The following CLVS1 variants were observed in gnomAD, a reference collection of about 807,000 sequenced individuals.
CLVS1 encodes clavesin 1.
Under a neutral mutation model 33.1 loss-of-function variants are expected in CLVS1, and 10 were observed. That is an observed-to-expected ratio of 0.30 (90% confidence interval 0.19 to 0.51). The LOEUF is 0.51. Ranked by LOEUF, CLVS1 falls within the 20% of genes least tolerant of loss-of-function variation. CLVS1 has a pLI of 0.97. For missense variants in CLVS1, 343 were observed against 433.4 expected (o/e 0.79, Z 1.85); for synonymous variants, 163 against 166.1 (o/e 0.98, Z 0.14).
chr8:61,018,729 T>C, the CLVS1 span, among the ~76,000 whole-genome samples: 219 of 152,376 alleles, frequency 1.4e-3, no homozygotes, highest in African/African-American at 5.1e-3. Context: ...AGGCGGCATC[T>C]CAGCAAGTGG....
the CLVS1 span, among the ~76,000 whole-genome samples, chr8:60,984,548 G>T: frequency 6.6e-6 from 1 of 151,948 alleles, no homozygotes; most frequent in Non-Finnish European, 1.5e-5. Flanking sequence ...GGCTGGTCTC[G>T]AACTCCTGAC....
chr8:61,341,634 G>T (rs914424945), intron 2 of CLVS1, among the ~76,000 whole-genome samples: 1 of 152,154 alleles, frequency 6.6e-6, no homozygotes, highest in Non-Finnish European at 1.5e-5. Context: ...AAGCTGATTT[G>T]TTTTGAGCAG....
intron 2 of CLVS1, among the ~76,000 whole-genome samples, chr8:61,226,591 T>C (rs550019699): frequency 2.6e-5 from 4 of 152,320 alleles, no homozygotes. Flanking sequence ...TATCTTGATG[T>C]TTTCTTGGAG....
At chr8:61,297,310 C>A (rs10957188) in intron 1 of CLVS1, among the ~76,000 whole-genome samples, 1 of 151,886 alleles carries the variant, frequency 6.6e-6, no homozygotes, top group Non-Finnish European at 1.5e-5. Flanking sequence ...TGGCAGCAAG[C>A]GTATCAATAG....
At chr8:61,204,046 G>A (rs1807792175) in intron 2 of CLVS1, among the ~76,000 whole-genome samples, 1 of 152,208 alleles carries the variant, frequency 6.6e-6, no homozygotes, top group Non-Finnish European at 1.5e-5. Context: ...ATGAGGTCAA[G>A]AAGAGTCAAT....
chr8:61,030,505 CTG>C, the CLVS1 span, among the ~76,000 whole-genome samples: 12 of 143,224 alleles, frequency 8.4e-5, no homozygotes, highest in African/African-American at 2.2e-4. Flanking sequence ...TCTACACACT[CTG>C]TGTTCAGACC....
intron 2 of CLVS1, among the ~76,000 whole-genome samples, chr8:61,302,630 C>T (rs1810477982): frequency 6.6e-6 from 1 of 152,134 alleles, no homozygotes; most frequent in African/African-American, 2.4e-5. Context: ...GCTGTCCTCC[C>T]AAAAATGGCA....
In CLVS1 at chr8:61,357,500, T is replaced by C. The variant is rs1430320793; in HGVS notation, c.456-19105T>C. Among the ~76,000 whole-genome samples, 458 of 98,280 alleles carry C rather than the reference T, an allele frequency of 4.7e-3. 6 individuals carry two copies. Among genetic ancestry groups the C allele is most frequent in the African/African-American group, 0.018 (421 of 23,274 alleles). The allele number at this position is 98,280 out of a possible 152,430, so 64.5% of individuals were successfully genotyped here. ...TTTCTTTCCTTTTTCTTTTCTTTTT[T>C]TTTTTTTTTTTTTTTTTTTTTTGAG... On this transcript the variant is annotated intron_variant, in intron 2 of 5. Coordinates refer to ENST00000325897, the MANE Select transcript of CLVS1 (RefSeq NM_173519.3).
At chr8:61,479,481 C>A (rs959102718) in intron 5 of CLVS1, among the ~76,000 whole-genome samples, 1 of 152,082 alleles carries the variant, frequency 6.6e-6, no homozygotes, top group Non-Finnish European at 1.5e-5. Context: ...GTTAGCCATT[C>A]GTCTAATTTT....
intron 5 of CLVS1, among the ~76,000 whole-genome samples, chr8:61,489,651 T>G (rs1450963101): frequency 6.6e-6 from 1 of 152,214 alleles, no homozygotes; most frequent in African/African-American, 2.4e-5. Flanking sequence ...AACAAATGGT[T>G]GTTGATGATG....
chr8:61,479,925 C>T (rs554424913), intron 5 of CLVS1, among the ~76,000 whole-genome samples: 34 of 152,202 alleles, frequency 2.2e-4, no homozygotes, highest in Non-Finnish European at 4.3e-4. Flanking sequence ...AATGCTGCTG[C>T]CTGATCATTC....
Position 61,426,285 on chromosome 8 carries a change from A to C in CLVS1, c.631-27856A>C, listed in dbSNP as rs1256712897. Among the ~76,000 whole-genome samples the C allele has an allele frequency of 2.0e-5, 3 of 152,218 alleles. No homozygotes were observed. The East Asian group carries it at 5.8e-4, about 29-fold the overall frequency. Reference sequence around the variant, plus strand: ...TGTTGCACAAATTCTTTGATGTGGGAAAGGCTTACCTAACAGACAATTCCT... The same window carrying C: ...TGTTGCACAAATTCTTTGATGTGGGCAAGGCTTACCTAACAGACAATTCCT... On this transcript the variant is annotated intron_variant, in intron 3 of 5. Transcript: ENST00000325897.
chr8:61,338,621 G>T (rs749384138), intron 2 of CLVS1, among the ~76,000 whole-genome samples: 6 of 152,180 alleles, frequency 3.9e-5, no homozygotes, highest in Non-Finnish European at 8.8e-5. Flanking sequence ...AAAACCATAT[G>T]CTCATTCCAA....
the CLVS1 span, among the ~76,000 whole-genome samples, chr8:61,017,296 C>T: frequency 3.1e-4 from 47 of 152,330 alleles, no homozygotes; most frequent in African/African-American, 8.2e-4. Flanking sequence ...GTCTCTGATT[C>T]GGTTGCCATT....
the CLVS1 span, among the ~76,000 whole-genome samples, chr8:61,019,851 G>A: frequency 2.0e-5 from 3 of 152,156 alleles, no homozygotes; most frequent in Non-Finnish European, 4.4e-5. Context: ...TGATGTGGTT[G>A]GGTATGGATA....
chr8:61,482,622 T>C (rs1818240134), intron 5 of CLVS1, among the ~76,000 whole-genome samples: 1 of 152,100 alleles, frequency 6.6e-6, no homozygotes. Flanking sequence ...GAAGATCAAA[T>C]GAATGAAATG....
At chr8:61,232,033 T>G (rs75667365) in intron 2 of CLVS1, among the ~76,000 whole-genome samples, 224 of 46,438 alleles carry the variant, frequency 4.8e-3, no homozygotes, top group African/African-American at 6.8e-3. Flanking sequence ...GTTTTTTTTT[T>G]TTTTTTTTTT....
intron 2 of CLVS1, among the ~76,000 whole-genome samples, chr8:61,183,106 T>C (rs1029818553): frequency 2.1e-5 from 3 of 142,170 alleles, no homozygotes; most frequent in Non-Finnish European, 4.6e-5. Context: ...TGAGAACACA[T>C]GGGCACAGGG....
the CLVS1 span, among the ~76,000 whole-genome samples, chr8:60,972,904 C>T: frequency 6.6e-6 from 1 of 152,226 alleles, no homozygotes; most frequent in Non-Finnish European, 1.5e-5. Flanking sequence ...TGCAATTCCT[C>T]ATCTTGATAA....
Sources: gnomAD v4.1 joint callset for allele counts (sites outside exome capture counted in the v4.1 genomes callset) on GRCh38, gnomAD v4.1.1 for gene constraint, MANE v1.5 for transcripts, NCBI Gene and HGNC (gene_info 2026-07-23, HGNC 2026-07-21) for gene names.